ACMSD: variants seen among roughly 807,000 people sequenced by gnomAD.
ACMSD encodes 2-amino-3-carboxymuconate-6-semialdehyde decarboxylase.
A neutral mutation model predicts 45.9 loss-of-function variants in ACMSD; 37 were observed. The observed-to-expected ratio is 0.81, with a 90% CI of 0.62 to 1.06. The LOEUF (loss-of-function observed/expected upper bound fraction) is 1.06, where lower values mean the gene tolerates loss of function less well. ACMSD is among the 50% of genes least tolerant of loss of function. The pLI is 0.00. For missense variants in ACMSD, 434 were observed against 420.9 expected, an observed-to-expected ratio of 1.03 and a Z score of -0.27; for synonymous variants, 138 against 148.8, an observed-to-expected ratio of 0.93 and a Z score of 0.53.
At chr2:134,838,845 G>A (rs1328665525) in intron 1 of ACMSD, 106 bp downstream of exon 1, 4 of 752,490 alleles carry the variant, frequency 5.3e-6, no homozygotes, top group South Asian at 4.2e-5. Flanking sequence ...GCTTTGGTGG[G>A]GGGCGAGGGG....
chr2:134,855,936 G>T (rs1687559844), intron 2 of ACMSD, among the ~76,000 whole-genome samples: 1 of 152,132 alleles, frequency 6.6e-6, no homozygotes, highest in African/African-American at 2.4e-5. Flanking sequence ...AGAGCTCAAA[G>T]CCTTTGATCA....
In ACMSD at chr2:134,847,345, T is replaced by C. The variant is rs73962612; in HGVS notation, c.102+2068T>C. ...AGGCCCCAAAATGAGCTTAGGTCTT[T>C]GAACTTGATCCTGAAGACAGTGGGG... is the stretch of plus-strand genomic sequence containing the variant. On this transcript the variant is annotated intron_variant, in intron 2 of 9. Coordinates refer to ENST00000356140, the MANE Select transcript of ACMSD (RefSeq NM_138326.3). 3.0e-3 allele frequency among the ~76,000 whole-genome samples: 450 copies of C among 152,140 alleles called. 1 individual carries two copies. The highest frequency in any genetic ancestry group is 0.01 in the African/African-American group (421 of 41,496).
chr2:134,844,202 T>A (rs1573613056), intron 1 of ACMSD, among the ~76,000 whole-genome samples: 1 of 152,180 alleles, frequency 6.6e-6, no homozygotes, highest in Non-Finnish European at 1.5e-5. Flanking sequence ...TTATGCATGA[T>A]CCCCAGGCGG....
intron 2 of ACMSD, among the ~76,000 whole-genome samples, chr2:134,856,795 T>C (rs1687600852): frequency 6.6e-6 from 1 of 152,234 alleles, no homozygotes; most frequent in African/African-American, 2.4e-5. Flanking sequence ...TCTACTCTGT[T>C]GATCGTTTCC....
At chr2:134,840,027 G>A (rs1559034618) in intron 1 of ACMSD, among the ~76,000 whole-genome samples, 2 of 151,854 alleles carry the variant, frequency 1.3e-5, no homozygotes, top group Non-Finnish European at 2.9e-5. Flanking sequence ...GTATTTGCCT[G>A]ATGAATGATG....
intron 6 of ACMSD, among the ~76,000 whole-genome samples, chr2:134,870,343 T>A (rs1688368599): frequency 6.6e-6 from 1 of 152,216 alleles, no homozygotes; most frequent in South Asian, 2.1e-4. Flanking sequence ...GGAATGACCA[T>A]AATGATAGTT....
chr2:134,862,489 A>G (rs1687891307), intron 4 of ACMSD, among the ~76,000 whole-genome samples: 1 of 152,180 alleles, frequency 6.6e-6, no homozygotes, highest in Non-Finnish European at 1.5e-5. Flanking sequence ...TCAAGCACTA[A>G]AAGTTTCAGG....
intron 8 of ACMSD, among the ~76,000 whole-genome samples, chr2:134,891,658 G>A (rs1446400739): frequency 1.3e-5 from 2 of 151,988 alleles, no homozygotes; most frequent in Non-Finnish European, 2.9e-5. Context: ...CAACCTTTAT[G>A]GAAAACAGTA....
intron 2 of ACMSD, among the ~76,000 whole-genome samples, chr2:134,850,357 C>T (rs1276444227): frequency 2.6e-5 from 4 of 151,258 alleles, no homozygotes; most frequent in African/African-American, 9.7e-5. Context: ...CAACCTCCAT[C>T]TCCCAGGTTC....
chr2:134,898,315 A>T (rs763900479), intron 8 of ACMSD, 26 bp from the exon 9 acceptor site: 1 of 1,472,968 alleles, frequency 6.8e-7, no homozygotes. Flanking sequence ...ACAAAACAAC[A>T]GAGAAATATA....
At position 134,862,009 on chromosome 2, in the gene ACMSD, T is replaced by G. The variant is rs760985297; in HGVS notation, c.240T>G (p.Phe80Leu). 1.9e-6 allele frequency: 3 copies of G among 1,614,174 alleles called. No individual in the cohort carries two copies. The highest frequency in any genetic ancestry group is 2.2e-5 in the East Asian group (1 of 44,878). The change falls in exon 4 of 10, where the codon TTT becomes TTG. Residue 80 changes from phenylalanine to leucine, a missense_variant. By Grantham distance (22) the Phe-to-Leu change is conservative. Transcript: ENST00000356140. ...VQALSTVPVM[F>L]SYWAKPEDTL... ...CCCTTTCCACAGTTCCTGTCATGTT[T>G]AGCTACTGGGTGAGTGTGAAACCTC... is the stretch of plus-strand genomic sequence containing the variant.
chr2:134,870,829 T>C (rs1379418699), intron 6 of ACMSD, 136 bp from the exon 7 acceptor site: 3 of 679,010 alleles, frequency 4.4e-6, no homozygotes, highest in East Asian at 2.8e-5. Flanking sequence ...TAATGTCCTA[T>C]ATAATACAGC....
intron 5 of ACMSD, among the ~76,000 whole-genome samples, chr2:134,864,929 C>T (rs1031089193): frequency 1.3e-5 from 2 of 152,204 alleles, no homozygotes; most frequent in African/African-American, 4.8e-5. Context: ...TACCAGGATT[C>T]ATGATGCATA....
chr2:134,840,172 A>AAAAAAAAC (rs1460344425), intron 1 of ACMSD, among the ~76,000 whole-genome samples: 1 of 129,500 alleles, frequency 7.7e-6, no homozygotes, highest in East Asian at 2.7e-4. Context: ...CCTAGCAAAA[A>AAAAAAAAC]AAAAAAAAAA....
chr2:134,896,509 T>C (rs1212506450), intron 8 of ACMSD, among the ~76,000 whole-genome samples: 1 of 152,100 alleles, frequency 6.6e-6, no homozygotes, highest in Admixed American at 6.6e-5. Flanking sequence ...AGTAGACATT[T>C]CTCCAAGGAA....
Position 134,863,408 on chromosome 2 carries a change from A to T in ACMSD, c.263A>T (p.Asp88Val), listed in dbSNP as rs767404144. 56 of 1,613,992 alleles carry T rather than the reference A, an allele frequency of 3.5e-5. No individual in the cohort carries two copies. The highest frequency in any genetic ancestry group is 4.6e-5 in the Non-Finnish European group (54 of 1,180,016). The change falls in exon 5 of 10, where the codon GAC (aspartate) becomes GTC (valine). Residue 88 changes from aspartate to valine, a missense_variant. By Grantham distance (152) the Asp-to-Val change is radical (BLOSUM62 -3). Transcript: ENST00000356140. ...VMFSYWAKPE[D>V]TLNLCQLLNN... Reference sequence around the variant, plus strand: ...TGTCTCCACCAGGCCAAACCTGAGGACACTTTAAACCTGTGCCAGCTTTTA... The same window carrying T: ...TGTCTCCACCAGGCCAAACCTGAGGTCACTTTAAACCTGTGCCAGCTTTTA...
At chr2:134,894,496 G>T (rs1470286262) in intron 8 of ACMSD, among the ~76,000 whole-genome samples, 1 of 152,044 alleles carries the variant, frequency 6.6e-6, no homozygotes, top group East Asian at 1.9e-4. Context: ...AAGAAAAGCT[G>T]ATGACCAGAT....
chr2:134,843,741 C>T lies in ACMSD; in HGVS notation c.58-1492C>T, dbSNP rs139955103. 8.0e-4 allele frequency among the ~76,000 whole-genome samples: 122 copies of T among 152,360 alleles called. 2 individuals carry two copies. The highest frequency in any genetic ancestry group is 5.4e-4 in the Non-Finnish European group (37 of 68,026). On this transcript the variant is annotated intron_variant, in intron 1 of 9. Coordinates refer to ENST00000356140, the MANE Select transcript of ACMSD (RefSeq NM_138326.3). The stretch of plus-strand genomic sequence containing the variant: ...AGGAGCTCCCTCATGTAGCTATCTC[C>T]TGCCTCCATTCCTTCCCTCTGACAC...
intron 1 of ACMSD, among the ~76,000 whole-genome samples, chr2:134,839,059 C>A (rs1686664028): frequency 6.6e-6 from 1 of 152,074 alleles, no homozygotes. Context: ...TGGGAAGATA[C>A]ATGCCAACTA....
Sources: allele counts gnomAD v4.1 joint callset (sites outside exome capture counted in the v4.1 genomes callset), GRCh38; gene constraint gnomAD v4.1.1; transcripts MANE v1.5; gene names NCBI Gene and HGNC (gene_info 2026-07-23, HGNC 2026-07-21).